CPLX2: variants seen among roughly 807,000 people sequenced by gnomAD.
The protein encoded by CPLX2 is complexin 2.
CPLX2 carries 5 observed loss-of-function variants against 16.3 expected under a neutral mutation model. The observed-to-expected ratio is 0.31, with a 90% confidence interval of 0.16 to 0.64. The LOEUF (loss-of-function observed/expected upper bound fraction) is 0.64, where lower values mean the gene tolerates loss of function less well. Among genes scored for constraint, CPLX2 ranks in the 30% least tolerant of loss-of-function variants. The pLI, the probability that CPLX2 is intolerant of heterozygous loss-of-function variation, is 0.79. For synonymous variants in CPLX2, 89 were observed against 73.2 expected (o/e 1.22, Z -1.10); for missense variants, 144 against 181.4 (o/e 0.79, Z 1.18).
At chr5:175,819,299 G>C (rs994677509) in intron 2 of CPLX2, among the ~76,000 whole-genome samples, 1 of 152,164 alleles carries the variant, frequency 6.6e-6, no homozygotes, top group African/African-American at 2.4e-5. Context: ...TGCGGGTTCA[G>C]CTCTAGCAGA....
chr5:175,838,998 G>A (rs746751446), intron 2 of CPLX2, among the ~76,000 whole-genome samples: 4 of 152,192 alleles, frequency 2.6e-5, no homozygotes, highest in Non-Finnish European at 5.9e-5. Context: ...TGTCTGACCA[G>A]AGAACACAAG....
chr5:175,836,079 G>A (rs566535324), intron 2 of CPLX2, among the ~76,000 whole-genome samples: 1 of 152,252 alleles, frequency 6.6e-6, no homozygotes, highest in Non-Finnish European at 1.5e-5. Flanking sequence ...GGCCAGGCGC[G>A]GTGGCTCACG....
chr5:175,878,471 A>G (rs1049172018), intron 1 of CPLX2, 181 bp from the exon 2 acceptor site: 5 of 566,548 alleles, frequency 8.8e-6, no homozygotes, highest in African/African-American at 5.7e-5. Flanking sequence ...GGCAGCACCT[A>G]CGTGTCTGCC....
chr5:175,808,881 G>A (rs548985509), intron 1 of CPLX2: 1 of 152,374 alleles, frequency 6.6e-6, no homozygotes, highest in East Asian at 1.9e-4. Context: ...GGCCTCCGGA[G>A]AAGTGAGGGC....
intron 2 of CPLX2, among the ~76,000 whole-genome samples, chr5:175,820,353 G>C (rs11134933): frequency 5.9e-5 from 9 of 152,136 alleles, no homozygotes; most frequent in Non-Finnish European, 4.4e-5. Flanking sequence ...GCGGGGCTCC[G>C]TGTTCTGCCC....
intron 2 of CPLX2, among the ~76,000 whole-genome samples, chr5:175,825,249 C>T (rs1025347837): frequency 1.3e-5 from 2 of 151,980 alleles, no homozygotes; most frequent in Non-Finnish European, 1.5e-5. Context: ...CAAAAATTAG[C>T]TGGGGATGGT....
chr5:175,832,844 C>T (rs1758757531), intron 2 of CPLX2, among the ~76,000 whole-genome samples: 1 of 152,102 alleles, frequency 6.6e-6, no homozygotes, highest in Admixed American at 6.6e-5. Context: ...CTGCTTGCCT[C>T]TTTAATGTGA....
chr5:175,815,409 G>T (rs974107792), intron 2 of CPLX2, among the ~76,000 whole-genome samples: 1 of 152,122 alleles, frequency 6.6e-6, no homozygotes, highest in Non-Finnish European at 1.5e-5. Context: ...TGTGACAGGG[G>T]ACAGACATGC....
In CPLX2 at chr5:175,797,813, G is replaced by A. The variant is rs368851425; in HGVS notation, c.-169+1029G>A. Among the ~76,000 whole-genome samples the A allele has an allele frequency of 5.9e-5, 9 of 152,332 alleles. No individual in the cohort carries two copies. The East Asian group carries it at 1.2e-3, about 20-fold the overall frequency. On this transcript the variant is annotated intron_variant, in intron 1 of 4. Transcript: ENST00000359546. ...TGCGAACTCGGCTTAGACCTGGGAG[G>A]TTGCAATTAGCAAGAAAAAAGGTTG...
At chr5:175,803,410 A>G (rs1333336951) in intron 1 of CPLX2, among the ~76,000 whole-genome samples, 1 of 152,196 alleles carries the variant, frequency 6.6e-6, no homozygotes, top group Non-Finnish European at 1.5e-5. Context: ...AAAGTAAAAG[A>G]GAGGAGTGTG....
intron 1 of CPLX2, among the ~76,000 whole-genome samples, chr5:175,875,260 A>G (rs1759730367): frequency 1.3e-5 from 2 of 152,120 alleles, no homozygotes; most frequent in South Asian, 4.1e-4. Flanking sequence ...GGAGGGAATA[A>G]AAGCAACATA....
intron 1 of CPLX2, among the ~76,000 whole-genome samples, chr5:175,799,810 A>G (rs1357995738): frequency 6.6e-6 from 1 of 151,628 alleles, no homozygotes; most frequent in East Asian, 1.9e-4. Context: ...GCTGGGATTA[A>G]AGGCATGAAC....
chr5:175,836,219 G>A lies in CPLX2; in HGVS notation c.-89+27151G>A, dbSNP rs62387094. On this transcript the variant is annotated intron_variant, in intron 2 of 4. Coordinates refer to the CPLX2 transcript ENST00000359546. ...CAAAAAATTAGCTGGGCGTGGTGGCGGGCACCTGTGGTCCCAGCTACTTGG... is the reference window on the plus strand; with the variant it reads ...CAAAAAATTAGCTGGGCGTGGTGGCAGGCACCTGTGGTCCCAGCTACTTGG... Among the ~76,000 whole-genome samples the A allele has an allele frequency of 1.5e-3, 227 of 152,186 alleles. 2 individuals carry two copies. The highest frequency in any genetic ancestry group is 2.2e-3 in the Non-Finnish European group (151 of 67,996).
At chr5:175,852,529 G>A (rs1759178013) in intron 2 of CPLX2, among the ~76,000 whole-genome samples, 1 of 152,226 alleles carries the variant, frequency 6.6e-6, no homozygotes, top group African/African-American at 2.4e-5. Context: ...CCATGCAAAG[G>A]CACGTACATT....
intron 2 of CPLX2, among the ~76,000 whole-genome samples, chr5:175,851,054 G>A (rs1033454661): frequency 4.6e-5 from 7 of 151,984 alleles, no homozygotes; most frequent in African/African-American, 1.7e-4. Flanking sequence ...AGAGATGGTA[G>A]AGCCGCTGCC....
intron 2 of CPLX2, among the ~76,000 whole-genome samples, chr5:175,813,895 T>A (rs1219675960): frequency 6.6e-6 from 1 of 152,206 alleles, no homozygotes; most frequent in Non-Finnish European, 1.5e-5. Flanking sequence ...TAGCTGGAAG[T>A]GGATAAACGA....
chr5:175,835,662 A>C (rs1581083351), intron 2 of CPLX2, among the ~76,000 whole-genome samples: 1 of 147,212 alleles, frequency 6.8e-6, no homozygotes, highest in Admixed American at 6.8e-5. Context: ...CAAATTATTT[A>C]TTTAAGTGAG....
At chr5:175,846,137 C>T (rs1227530213) in intron 2 of CPLX2, among the ~76,000 whole-genome samples, 1 of 152,146 alleles carries the variant, frequency 6.6e-6, no homozygotes, top group East Asian at 1.9e-4. Flanking sequence ...ACACCCGCAC[C>T]CCCCTGCCTG....
chr5:175,876,536 G>A (rs1043897620), intron 1 of CPLX2, among the ~76,000 whole-genome samples: 2 of 152,148 alleles, frequency 1.3e-5, no homozygotes, highest in Non-Finnish European at 2.9e-5. Context: ...GGAGGTTTGA[G>A]GGTACAGTGG....
Sources: gnomAD v4.1 joint callset for allele counts (sites outside exome capture counted in the v4.1 genomes callset) on GRCh38, gnomAD v4.1.1 for gene constraint, MANE v1.5 for transcripts, NCBI Gene and HGNC (gene_info 2026-07-23, HGNC 2026-07-21) for gene names.